Variants in NRG3 observed in about 807,000 individuals in gnomAD.
NRG3 encodes the protein pro-neuregulin-3, membrane-bound isoform.
NRG3 carries 31 observed loss-of-function variants against 66.9 expected under a neutral mutation model. That is an observed-to-expected ratio of 0.46 (90% CI 0.35 to 0.63). NRG3 has a LOEUF of 0.63. NRG3 is among the 20% of genes least tolerant of loss of function. The pLI, the probability that NRG3 is intolerant of heterozygous loss-of-function variation, is 0.00. For synonymous variants in NRG3, 393 were observed against 359.4 expected, an observed-to-expected ratio of 1.09 and a Z score of -1.06; for missense variants, 910 against 878.9, an observed-to-expected ratio of 1.04 and a Z score of -0.45.
At chr10:82,681,099 C>T (rs1180602065) in intron 2 of NRG3, among the ~76,000 whole-genome samples, 2 of 152,112 alleles carry the variant, frequency 1.3e-5, no homozygotes, top group African/African-American at 4.8e-5. Flanking sequence ...GGGCATCGCT[C>T]ATGGTTGTTA....
intron 1 of NRG3, among the ~76,000 whole-genome samples, chr10:82,036,654 T>C (rs2062804594): frequency 6.6e-6 from 1 of 152,148 alleles, no homozygotes; most frequent in African/African-American, 2.4e-5. Flanking sequence ...TATAAGTGTA[T>C]AGTACAGCAT....
intron 1 of NRG3, among the ~76,000 whole-genome samples, chr10:81,895,021 G>A (rs1323031504): frequency 6.6e-6 from 1 of 152,082 alleles, no homozygotes; most frequent in Non-Finnish European, 1.5e-5. Flanking sequence ...GGGCCACAGC[G>A]GCATCCTGTA....
At chr10:82,347,592 G>A (rs1336322848) in intron 1 of NRG3, among the ~76,000 whole-genome samples, 1 of 151,820 alleles carries the variant, frequency 6.6e-6, no homozygotes, top group Non-Finnish European at 1.5e-5. Flanking sequence ...TCTGCTTGGT[G>A]CAGAGCTGAG....
rs892311667 is a variant in NRG3 at position 81,875,309 on chromosome 10, CG to C, written c.-25del. On this transcript the variant is annotated 5_prime_UTR_variant, in exon 1 of 9. An upstream open reading frame in the 5' UTR gains an earlier in-frame stop. Transcript: ENST00000372141. The surrounding 1 kb of genome is among the most constrained non-coding windows in gnomAD (Gnocchi z 5.3). ...GGCCCCATGCCTCTGCCGCGGCCCT[CG>C]GGGGGGCGAAGGTGAAGACCGGCTC... 27 of 983,446 alleles carry C rather than the reference CG, an allele frequency of 2.7e-5. No individual in the cohort carries two copies. The highest frequency in any genetic ancestry group is 9.1e-5 in the South Asian group (2 of 22,072). The allele number at this position is 983,446 out of a possible 1,614,324, so 60.9% of individuals were successfully genotyped here. A position where few individuals can be genotyped will look rare whatever the true frequency, so the allele number is the denominator to read the frequency against.
intron 1 of NRG3, among the ~76,000 whole-genome samples, chr10:81,963,422 C>T (rs912870625): frequency 2.7e-5 from 4 of 147,098 alleles, no homozygotes; most frequent in Non-Finnish European, 6.0e-5. Context: ...CGTGAGCCAC[C>T]GCGCCCGGCC....
intron 1 of NRG3, among the ~76,000 whole-genome samples, chr10:82,018,669 C>A (rs1028049741): frequency 6.6e-6 from 1 of 151,814 alleles, no homozygotes; most frequent in East Asian, 1.9e-4. Context: ...TAAGTTGGAT[C>A]CCTAGGTATT....
intron 2 of NRG3, among the ~76,000 whole-genome samples, chr10:82,702,680 GTGT>G (rs1186242371): frequency 2.6e-5 from 4 of 152,142 alleles, no homozygotes; most frequent in Admixed American, 1.3e-4. Context: ...ACTGGCACAA[GTGT>G]TGTTGTTGTT....
chr10:82,319,465 G>A (rs1408016744), intron 1 of NRG3, among the ~76,000 whole-genome samples: 1 of 152,224 alleles, frequency 6.6e-6, no homozygotes, highest in Non-Finnish European at 1.5e-5. Flanking sequence ...CAATTTGCAT[G>A]GGGATTTCAA....
At chr10:82,876,741 G>C (rs891526534) in intron 4 of NRG3, among the ~76,000 whole-genome samples, 18 of 152,082 alleles carry the variant, frequency 1.2e-4, no homozygotes, top group African/African-American at 4.1e-4. Flanking sequence ...TTCTCAGAGA[G>C]AGCCAGGCAT....
chr10:82,156,630 C>T (rs1451437633), intron 1 of NRG3, among the ~76,000 whole-genome samples: 1 of 151,572 alleles, frequency 6.6e-6, no homozygotes, highest in Non-Finnish European at 1.5e-5. Context: ...TAGTGAATTT[C>T]CAGAATTGGA....
intron 1 of NRG3, among the ~76,000 whole-genome samples, chr10:82,059,996 A>G (rs1310862270): frequency 1.3e-5 from 2 of 152,206 alleles, no homozygotes; most frequent in Admixed American, 6.5e-5. Context: ...AAGGAAATCA[A>G]CTGCTCTAAA....
intron 4 of NRG3, among the ~76,000 whole-genome samples, chr10:82,907,434 C>G (rs1844854490): frequency 6.6e-6 from 1 of 152,156 alleles, no homozygotes; most frequent in Non-Finnish European, 1.5e-5. Context: ...CTCCTCCTTT[C>G]TCAAGTCAGT....
chr10:82,111,255 G>C (rs1422752866), intron 1 of NRG3, among the ~76,000 whole-genome samples: 1 of 152,140 alleles, frequency 6.6e-6, no homozygotes, highest in Non-Finnish European at 1.5e-5. Flanking sequence ...CACTTCGTCA[G>C]CTTACACTGA....
At chr10:81,898,595 A>G (rs2132629648) in intron 1 of NRG3, among the ~76,000 whole-genome samples, 1 of 152,372 alleles carries the variant, frequency 6.6e-6, no homozygotes, top group South Asian at 2.1e-4. Flanking sequence ...CATGGGCTGC[A>G]GTATGACTTG....
At chr10:82,865,019 A>G (rs1840569849) in intron 3 of NRG3, among the ~76,000 whole-genome samples, 1 of 152,230 alleles carries the variant, frequency 6.6e-6, no homozygotes, top group South Asian at 2.1e-4. Flanking sequence ...AGAGGTTCAA[A>G]TAAATTCATG....
chr10:82,445,577 T>G (rs2090675594), intron 2 of NRG3, among the ~76,000 whole-genome samples: 1 of 152,228 alleles, frequency 6.6e-6, no homozygotes, highest in African/African-American at 2.4e-5. Context: ...GTTGGTGTAG[T>G]TATCCAAGTA....
At chr10:82,177,950 A>G (rs2073156031) in intron 1 of NRG3, among the ~76,000 whole-genome samples, 1 of 152,100 alleles carries the variant, frequency 6.6e-6, no homozygotes, top group African/African-American at 2.4e-5. Context: ...CTCAGCCTCC[A>G]AAAGTGCTGG....
intron 1 of NRG3, among the ~76,000 whole-genome samples, chr10:82,326,374 G>A (rs1193164777): frequency 2.0e-5 from 3 of 151,898 alleles, no homozygotes; most frequent in Non-Finnish European, 4.4e-5. Context: ...ATTATGATGT[G>A]CCTTTATATG....
intron 2 of NRG3, among the ~76,000 whole-genome samples, chr10:82,580,220 A>G (rs2046275923): frequency 6.6e-6 from 1 of 151,954 alleles, no homozygotes; most frequent in Admixed American, 6.6e-5. Flanking sequence ...CATCATGTTT[A>G]CTTTTTAGCA....
Sources: gnomAD v4.1 joint callset for allele counts (sites outside exome capture counted in the v4.1 genomes callset) on GRCh38, gnomAD v4.1.1 for gene constraint, Gnocchi (gnomAD v3.1) non-coding constraint, MANE v1.5 for transcripts, NCBI Gene and HGNC (gene_info 2026-07-23, HGNC 2026-07-21) for gene names.